Variants in ARHGEF28 observed in about 807,000 individuals in gnomAD.
The protein encoded by ARHGEF28 is 190 kDa guanine nucleotide exchange factor.
ARHGEF28 carries 152 observed loss-of-function variants against 206.6 expected under a neutral mutation model. The observed-to-expected ratio is 0.74, with a 90% CI of 0.64 to 0.84. The LOEUF (loss-of-function observed/expected upper bound fraction) is 0.84, where lower values mean the gene tolerates loss of function less well. Among genes scored for constraint, ARHGEF28 ranks in the 40% least tolerant of loss-of-function variants. ARHGEF28 has a pLI of 0.00. For missense variants in ARHGEF28, 2,028 were observed against 2,073.2 expected (o/e 0.98, Z 0.42); for synonymous variants, 763 against 776.4 (o/e 0.98, Z 0.29).
At chr5:73,788,327 C>T (rs1754279691) in intron 7 of ARHGEF28, among the ~76,000 whole-genome samples, 1 of 152,080 alleles carries the variant, frequency 6.6e-6, no homozygotes, top group African/African-American at 2.4e-5. Context: ...TATGCCCTGG[C>T]TTCAATTTAA....
intron 22 of ARHGEF28, among the ~76,000 whole-genome samples, chr5:73,881,692 A>AG (rs1760963254): frequency 6.6e-6 from 1 of 152,212 alleles, no homozygotes; most frequent in African/African-American, 2.4e-5. Flanking sequence ...ATGCTCTTCA[A>AG]GGGGACGTGT....
chr5:73,696,062 G>A (rs965017181), intron 2 of ARHGEF28, among the ~76,000 whole-genome samples: 2 of 152,178 alleles, frequency 1.3e-5, no homozygotes, highest in African/African-American at 4.8e-5. Context: ...CCTGAACGCA[G>A]ATTGTTACCC....
At chr5:73,741,421 A>AC (rs1751422510) in intron 2 of ARHGEF28, among the ~76,000 whole-genome samples, 2 of 36,230 alleles carry the variant, frequency 5.5e-5, no homozygotes, top group Non-Finnish European at 1.1e-4. Flanking sequence ...ATATATATAT[A>AC]TATATATATA....
intron 35 of ARHGEF28, among the ~76,000 whole-genome samples, chr5:73,927,375 A>C (rs1383013979): frequency 6.6e-6 from 1 of 152,174 alleles, no homozygotes; most frequent in Non-Finnish European, 1.5e-5. Flanking sequence ...TCTTAAAAAA[A>C]CCTTTCTTTA....
At position 73,790,057 on chromosome 5, in the gene ARHGEF28, A is replaced by G. The variant is rs937176429; in HGVS notation, c.911-4345A>G. On this transcript the variant is annotated intron_variant, in intron 7 of 35. Transcript: ENST00000513042. ...CAGTAAGAGTAGGCACACCATGGAG[A>G]ATGGCCTGCAGCAGTCTGGTGTTGC... Among the ~76,000 whole-genome samples the G allele has an allele frequency of 4.6e-5, 7 of 152,198 alleles. No individual in the cohort carries two copies. In the South Asian group the frequency reaches 8.3e-4, roughly 18 times the overall value.
chr5:73,777,988 A>G (rs140601631), intron 6 of ARHGEF28: 6,612 of 152,630 alleles, frequency 0.043, 165 homozygotes, highest in African/African-American at 0.075. Flanking sequence ...CTGAGGCAGG[A>G]GAATTGCTTG....
chr5:73,742,087 G>A (rs912055615), intron 2 of ARHGEF28, among the ~76,000 whole-genome samples: 1 of 152,116 alleles, frequency 6.6e-6, no homozygotes, highest in Non-Finnish European at 1.5e-5. Context: ...AGTAATATGT[G>A]TTGCTTTAAA....
At chr5:73,682,599 A>G (rs1448848047) in intron 1 of ARHGEF28, among the ~76,000 whole-genome samples, 1 of 152,122 alleles carries the variant, frequency 6.6e-6, no homozygotes, top group African/African-American at 2.4e-5. Context: ...TTTAGTAGAT[A>G]TGGGGTTTCA....
In ARHGEF28 at chr5:73,753,060, A is replaced by G. The variant is rs1752104645; in HGVS notation, c.333A>G (p.Thr111=). 6.2e-7 allele frequency: 1 copy of G among 1,610,656 alleles called. No homozygotes were observed. ...TGGTGACGCAGGCCAATCGCCTCAC[A>G]GCCTGCAGCCACCAGACCCTGCTGA... ...RLLVTQANRL[T]ACSHQTLLTP... The change falls in exon 4 of 36, where the codon ACA becomes ACG. Residue 111 remains threonine (T), a synonymous_variant. Transcript: ENST00000513042.
chr5:73,787,175 G>T (rs1036241820), intron 7 of ARHGEF28, among the ~76,000 whole-genome samples: 3 of 152,174 alleles, frequency 2.0e-5, no homozygotes. Flanking sequence ...GGACAGCTGG[G>T]ACCTGGGTGT....
intron 4 of ARHGEF28, among the ~76,000 whole-genome samples, chr5:73,762,808 C>T (rs1430746083): frequency 6.6e-6 from 1 of 152,046 alleles, no homozygotes; most frequent in Non-Finnish European, 1.5e-5. Flanking sequence ...TAGTTAAGAA[C>T]TTGAGTTTTG....
rs765502843 is a variant in ARHGEF28, at chr5:73,866,031, C to T, written c.2152+18C>T. ...CCTTGGAAGTAAGTGATGTAGAAAA[C>T]GACAAGAACTTTTAAAAATTTAATA... On this transcript the variant is annotated intron_variant, in intron 18 of 35. Transcript: ENST00000513042. 8.9e-6 allele frequency: 14 copies of T among 1,578,540 alleles called. No homozygotes were observed. The highest frequency in any genetic ancestry group is 4.1e-5 in the African/African-American group (3 of 73,230).
chr5:73,818,433 A>G (rs1292684893), intron 9 of ARHGEF28, among the ~76,000 whole-genome samples: 7 of 152,106 alleles, frequency 4.6e-5, no homozygotes, highest in African/African-American at 1.4e-4. Flanking sequence ...AGATGTACAC[A>G]TGCATGTGGA....
Position 73,940,924 on chromosome 5 carries a change from G to T in ARHGEF28, c.5029G>T (p.Glu1677Ter), listed in dbSNP as rs1314155990. 1.2e-5 allele frequency: 18 copies of T among 1,534,552 alleles called. No homozygotes were observed. Among genetic ancestry groups the T allele is most frequent in the South Asian group, 1.1e-4 (9 of 83,800 alleles). Residue 1677 changes from glutamate (E) to a stop codon, truncating the protein, a stop_gained, in exon 36 of 36, where the codon GAA becomes TAA. Coordinates refer to ENST00000513042, the MANE Select transcript of ARHGEF28 (RefSeq NM_001177693.2). LOFTEE classifies it high-confidence loss of function. ...HRPQLQAFIT[E>*]AKLNLPTRTM... The stretch of plus-strand genomic sequence containing the variant: ...CCCTCAACTGCAGGCGTTTATAACA[G>T]AAGCAAAGCTAAATCTACCGACAAG...
At chr5:73,869,663 T>C (rs1036671707) in intron 20 of ARHGEF28, among the ~76,000 whole-genome samples, 3 of 152,152 alleles carry the variant, frequency 2.0e-5, no homozygotes, top group Admixed American at 1.3e-4. Context: ...TCCCAGCACT[T>C]TGGGAGGCTG....
intron 16 of ARHGEF28, among the ~76,000 whole-genome samples, chr5:73,860,734 C>G (rs921932885): frequency 6.6e-6 from 1 of 152,136 alleles, no homozygotes; most frequent in African/African-American, 2.4e-5. Flanking sequence ...TGTAAAACAC[C>G]ACTTTCATCA....
chr5:73,788,978 C>T (rs995501717), intron 7 of ARHGEF28, among the ~76,000 whole-genome samples: 1 of 152,100 alleles, frequency 6.6e-6, no homozygotes, highest in African/African-American at 2.4e-5. Context: ...ATTTATCAAA[C>T]ATGGAGTTAT....
chr5:73,865,008 A>G, intron 17 of ARHGEF28, 136 bp downstream of exon 17: 1 of 738,240 alleles, frequency 1.4e-6, no homozygotes, highest in East Asian at 2.7e-5. Flanking sequence ...ACATATGCTC[A>G]AAGTGTATAG....
intron 2 of ARHGEF28, among the ~76,000 whole-genome samples, chr5:73,701,803 T>C (rs185703951): frequency 6.0e-4 from 92 of 152,342 alleles, no homozygotes; most frequent in African/African-American, 2.1e-3. Flanking sequence ...TCATTCTTTT[T>C]TGTTGATGAG....
Sources: gnomAD v4.1 joint callset for allele counts (sites outside exome capture counted in the v4.1 genomes callset) on GRCh38, gnomAD v4.1.1 for gene constraint, MANE v1.5 for transcripts, NCBI Gene and HGNC (gene_info 2026-07-23, HGNC 2026-07-21) for gene names.